The following MAGI1 variants were observed in gnomAD, a reference collection of about 807,000 sequenced individuals.
MAGI1 encodes the protein membrane associated guanylate kinase, WW and PDZ domain containing 1, also known as membrane-associated guanylate kinase, WW and PDZ domain-containing protein 1.
Under a neutral mutation model 139.9 loss-of-function variants are expected in MAGI1, and 58 were observed. That is an observed-to-expected ratio of 0.41 (90% confidence interval 0.34 to 0.52). The LOEUF is 0.52. Among genes scored for constraint, MAGI1 ranks in the 20% least tolerant of loss-of-function variants. The pLI is 0.12. For missense variants in MAGI1, 1,874 were observed against 1,901.6 expected (o/e 0.99, Z 0.27); for synonymous variants, 812 against 737.9 (o/e 1.10, Z -1.63).
intron 1 of MAGI1, among the ~76,000 whole-genome samples, chr3:65,906,130 A>G (rs1342165645): frequency 6.6e-6 from 1 of 152,204 alleles, no homozygotes; most frequent in Non-Finnish European, 1.5e-5. Context: ...TACTGTTACT[A>G]TGAAGGCACA....
At chr3:65,692,608 C>G (rs1205535457) in intron 1 of MAGI1, among the ~76,000 whole-genome samples, 1 of 152,122 alleles carries the variant, frequency 6.6e-6, no homozygotes, top group Non-Finnish European at 1.5e-5. Flanking sequence ...TTGAATGTAT[C>G]CCAAAAATTC....
intron 1 of MAGI1, among the ~76,000 whole-genome samples, chr3:65,819,576 G>C (rs940141198): frequency 6.6e-6 from 1 of 151,602 alleles, no homozygotes. Flanking sequence ...CCAGCATTAA[G>C]GCAAAAAAAA....
At chr3:65,448,144 A>G in intron 6 of MAGI1, 87 bp from the exon 7 acceptor site, 3 of 1,186,864 alleles carry the variant, frequency 2.5e-6, no homozygotes, top group Non-Finnish European at 3.8e-6. Flanking sequence ...TCTCCTCAGG[A>G]AAACAGCAGC....
intron 2 of MAGI1, among the ~76,000 whole-genome samples, chr3:65,521,624 A>T (rs979592144): frequency 1.9e-4 from 29 of 152,178 alleles, no homozygotes; most frequent in African/African-American, 7.0e-4. Flanking sequence ...GTAAATATGC[A>T]TACCTGAGTT....
At chr3:65,498,630 T>C (rs1396461233) in intron 2 of MAGI1, among the ~76,000 whole-genome samples, 1 of 152,204 alleles carries the variant, frequency 6.6e-6, no homozygotes, top group Non-Finnish European at 1.5e-5. Context: ...AGAAGTAACC[T>C]GCCCAAGGTC....
chr3:65,634,533 G>A (rs77162136), intron 1 of MAGI1, among the ~76,000 whole-genome samples: 4 of 152,118 alleles, frequency 2.6e-5, no homozygotes, highest in Non-Finnish European at 4.4e-5. Context: ...GCATGTTGCT[G>A]AACTTCTCTG....
At chr3:65,885,267 C>T (rs920692267) in intron 1 of MAGI1, among the ~76,000 whole-genome samples, 7 of 151,716 alleles carry the variant, frequency 4.6e-5, no homozygotes, top group African/African-American at 1.2e-4. Flanking sequence ...TGTGGTGGTG[C>T]GCATCTGTAA....
At chr3:65,636,110 C>T (rs1340661142) in intron 1 of MAGI1, among the ~76,000 whole-genome samples, 4 of 152,118 alleles carry the variant, frequency 2.6e-5, no homozygotes, top group Non-Finnish European at 1.5e-5. Flanking sequence ...GCCATGGTCC[C>T]GGGGCAGAGG....
At chr3:65,378,656 C>G (rs1942771659) in intron 17 of MAGI1, among the ~76,000 whole-genome samples, 1 of 151,346 alleles carries the variant, frequency 6.6e-6, no homozygotes, top group Non-Finnish European at 1.5e-5. Flanking sequence ...GGTTCCTATT[C>G]AAATTTCTTT....
intron 14 of MAGI1, 47 bp downstream of exon 14, chr3:65,391,095 G>A: frequency 6.7e-7 from 1 of 1,489,774 alleles, no homozygotes; most frequent in South Asian, 1.1e-5. Context: ...GAAAGGTAGA[G>A]CCCTGCGGAG....
At chr3:65,746,367 A>T (rs762355216) in intron 1 of MAGI1, among the ~76,000 whole-genome samples, 6 of 152,290 alleles carry the variant, frequency 3.9e-5, no homozygotes, top group Non-Finnish European at 5.9e-5. Context: ...TTTTTCCCTG[A>T]TTCAAGACTA....
intron 2 of MAGI1, among the ~76,000 whole-genome samples, chr3:65,610,230 A>AAT (rs1280260750): frequency 6.6e-6 from 1 of 152,146 alleles, no homozygotes; most frequent in Non-Finnish European, 1.5e-5. Context: ...CAAGACACTG[A>AAT]ATGCCCACCT....
At chr3:66,025,256 T>C (rs1254813866) in intron 1 of MAGI1, among the ~76,000 whole-genome samples, 1 of 152,150 alleles carries the variant, frequency 6.6e-6, no homozygotes, top group Non-Finnish European at 1.5e-5. Flanking sequence ...AGTCCATGAT[T>C]GGCCAGGCAC....
intron 1 of MAGI1, among the ~76,000 whole-genome samples, chr3:65,936,942 G>GTGGTGA (rs1216428374): frequency 1.3e-5 from 2 of 151,158 alleles, no homozygotes; most frequent in Non-Finnish European, 3.0e-5. Flanking sequence ...GGTGATGGTG[G>GTGGTGA]TGGTGATGGT....
At chr3:65,488,890 C>G (rs954520858) in intron 3 of MAGI1, among the ~76,000 whole-genome samples, 1 of 150,446 alleles carries the variant, frequency 6.6e-6, no homozygotes, top group Non-Finnish European at 1.5e-5. Context: ...CCAGGCTGGT[C>G]GCGAGCTCCT....
chr3:65,991,180 T>G (rs1275205167), intron 1 of MAGI1, among the ~76,000 whole-genome samples: 10 of 150,550 alleles, frequency 6.6e-5, no homozygotes, highest in African/African-American at 9.8e-5. Context: ...TCCCAGCTAC[T>G]CAGGAAGCTG....
intron 1 of MAGI1, among the ~76,000 whole-genome samples, chr3:66,016,124 C>T (rs551254276): frequency 1.3e-5 from 2 of 152,118 alleles, no homozygotes; most frequent in African/African-American, 2.4e-5. Context: ...GTCTATTCAG[C>T]GCCTCCACAA....
chr3:65,375,140 C>A (rs188408363), intron 18 of MAGI1, among the ~76,000 whole-genome samples: 3 of 150,804 alleles, frequency 2.0e-5, no homozygotes, highest in Admixed American at 6.6e-5. Context: ...AAGACAAGGA[C>A]ACAAAAAGCT....
intron 2 of MAGI1, among the ~76,000 whole-genome samples, chr3:65,579,897 A>G (rs1216776324): frequency 6.6e-6 from 1 of 151,978 alleles, no homozygotes; most frequent in African/African-American, 2.4e-5. Flanking sequence ...AAAAAAGCCA[A>G]TGAAACTAGA....
Sources: allele counts gnomAD v4.1 joint callset (sites outside exome capture counted in the v4.1 genomes callset), GRCh38; gene constraint gnomAD v4.1.1; transcripts MANE v1.5; gene names NCBI Gene and HGNC (gene_info 2026-07-23, HGNC 2026-07-21).